Variants in RGS7 observed in about 807,000 individuals in gnomAD.
The protein encoded by RGS7 is regulator of G-protein signaling 7.
RGS7 carries 27 observed loss-of-function variants against 81.1 expected under a neutral mutation model. That is an observed-to-expected ratio of 0.33 (90% CI 0.25 to 0.46). The LOEUF is 0.46. RGS7 is among the 20% of genes least tolerant of loss of function. RGS7 has a pLI of 1.00. For synonymous variants in RGS7, 208 were observed against 207.7 expected, an observed-to-expected ratio of 1.00 and a Z score of -0.01; for missense variants, 396 against 607.4, an observed-to-expected ratio of 0.65 and a Z score of 3.66.
At chr1:241,250,046 A>G (rs1254043008) in intron 2 of RGS7, among the ~76,000 whole-genome samples, 2 of 152,166 alleles carry the variant, frequency 1.3e-5, no homozygotes, top group Non-Finnish European at 2.9e-5. Context: ...GACTATACAG[A>G]AGAATTAGGA....
At chr1:241,150,574 G>T (rs1361052835) in intron 2 of RGS7, among the ~76,000 whole-genome samples, 11 of 152,200 alleles carry the variant, frequency 7.2e-5, no homozygotes, top group Admixed American at 6.5e-4. Flanking sequence ...TAGGGAGTGT[G>T]GGGGAGTTTG....
intron 2 of RGS7, among the ~76,000 whole-genome samples, chr1:241,178,785 A>G (rs2071364650): frequency 6.6e-6 from 1 of 152,230 alleles, no homozygotes; most frequent in African/African-American, 2.4e-5. Flanking sequence ...TTAAAATGTA[A>G]TCAGTTTATT....
chr1:241,197,984 C>A (rs184911423), intron 2 of RGS7, among the ~76,000 whole-genome samples: 100 of 151,894 alleles, frequency 6.6e-4, no homozygotes, highest in Admixed American at 1.3e-3. Context: ...TACCTACCTA[C>A]CTAGTTTCAA....
chr1:240,825,871 A>G (rs191453748), intron 10 of RGS7, among the ~76,000 whole-genome samples: 11 of 152,330 alleles, frequency 7.2e-5, no homozygotes, highest in African/African-American at 2.6e-4. Context: ...GTTAATCCAT[A>G]TGCATTCTCT....
At chr1:240,961,960 G>A (rs1051774452) in intron 4 of RGS7, among the ~76,000 whole-genome samples, 1 of 152,106 alleles carries the variant, frequency 6.6e-6, no homozygotes, top group African/African-American at 2.4e-5. Context: ...AGAAGAAAGA[G>A]AGAGAGAGAA....
intron 2 of RGS7, among the ~76,000 whole-genome samples, chr1:241,220,534 C>CT (rs934264203): frequency 2.6e-4 from 39 of 151,742 alleles, no homozygotes; most frequent in African/African-American, 7.7e-4. Flanking sequence ...TCCCCTTCTC[C>CT]TTTTTTTTAA....
chr1:240,950,997 T>C (rs1315666710), intron 4 of RGS7, among the ~76,000 whole-genome samples: 1 of 151,908 alleles, frequency 6.6e-6, no homozygotes, highest in African/African-American at 2.4e-5. Flanking sequence ...TCATGGCTCA[T>C]TGCAGCCTCG....
intron 2 of RGS7, among the ~76,000 whole-genome samples, chr1:241,226,801 T>C (rs540505643): frequency 6.6e-6 from 1 of 152,320 alleles, no homozygotes; most frequent in South Asian, 2.1e-4. Flanking sequence ...TTTCCCAAAT[T>C]CTTTATGTTA....
intron 2 of RGS7, among the ~76,000 whole-genome samples, chr1:241,171,166 C>T (rs2070707677): frequency 6.6e-6 from 1 of 152,106 alleles, no homozygotes; most frequent in Admixed American, 6.6e-5. Flanking sequence ...TCTTTCTGTC[C>T]AATGAGTTAT....
At chr1:241,088,316 G>T (rs962011840) in intron 3 of RGS7, among the ~76,000 whole-genome samples, 1 of 151,962 alleles carries the variant, frequency 6.6e-6, no homozygotes, top group Non-Finnish European at 1.5e-5. Context: ...CTGCTTAAGG[G>T]TGAAGAGGAT....
At chr1:241,053,908 T>C (rs1314940072) in intron 3 of RGS7, among the ~76,000 whole-genome samples, 1 of 152,228 alleles carries the variant, frequency 6.6e-6, no homozygotes, top group Non-Finnish European at 1.5e-5. Context: ...TCTGCCGTGA[T>C]TGTGAGGCCT....
chr1:241,186,771 C>G (rs2072157526), intron 2 of RGS7, among the ~76,000 whole-genome samples: 2 of 152,006 alleles, frequency 1.3e-5, no homozygotes, highest in African/African-American at 4.8e-5. Flanking sequence ...AGGTGATCCA[C>G]CTACCTCGGC....
chr1:240,820,724 A>G (rs866532790), intron 10 of RGS7, among the ~76,000 whole-genome samples: 18 of 152,172 alleles, frequency 1.2e-4, no homozygotes, highest in Non-Finnish European at 2.2e-4. Context: ...CTCGCGAAAG[A>G]TATTAAATCT....
At chr1:240,897,731 G>T (rs911069401) in intron 6 of RGS7, among the ~76,000 whole-genome samples, 7 of 152,164 alleles carry the variant, frequency 4.6e-5, no homozygotes, top group Non-Finnish European at 1.0e-4. Context: ...AGGGATATTG[G>T]TCTAAAATTC....
chr1:240,895,223 C>T (rs960650426), intron 6 of RGS7, among the ~76,000 whole-genome samples: 3 of 152,160 alleles, frequency 2.0e-5, no homozygotes, highest in South Asian at 2.1e-4. Flanking sequence ...TCCTGAACAG[C>T]CTGCAGAACC....
intron 5 of RGS7, among the ~76,000 whole-genome samples, chr1:240,932,967 T>C (rs1434103662): frequency 5.5e-5 from 7 of 128,130 alleles, no homozygotes; most frequent in African/African-American, 1.8e-4. Flanking sequence ...CACTGCAAGC[T>C]CCGCCTCCCG....
intron 6 of RGS7, among the ~76,000 whole-genome samples, chr1:240,889,005 T>G (rs2796744): frequency 0.5 from 76,095 of 151,932 alleles, 19,191 homozygotes; most frequent in East Asian, 0.57. Context: ...GCCCAGGCTG[T>G]AGTGCAGTGG....
intron 4 of RGS7, among the ~76,000 whole-genome samples, chr1:240,972,941 C>T (rs866794916): frequency 1.0e-4 from 15 of 150,158 alleles, no homozygotes; most frequent in Non-Finnish European, 1.2e-4. Context: ...CCCAGCTATT[C>T]AGGAAGCTTA....
At position 240,806,025 on chromosome 1, in the gene RGS7, A is replaced by G. The variant is rs967625749; in HGVS notation, c.1269+115T>C. 5.7e-5 allele frequency: 51 copies of G among 898,094 alleles called. No homozygotes were observed. In the African/African-American group the frequency reaches 8.0e-4, roughly 14 times the overall value. 55.6% of individuals were successfully genotyped at this position (898,094 alleles called of 1,614,324 possible). A position where few individuals can be genotyped will look rare whatever the true frequency, so the allele number is the denominator to read the frequency against. ...GATCAGTTAGAGTTATTTTACAGTT[A>G]TCTAAATTGAAAATGTTAGAAATAG... On this transcript the variant is annotated intron_variant, in intron 15 of 18. Transcript: ENST00000440928.
Sources: gnomAD v4.1 joint callset for allele counts (sites outside exome capture counted in the v4.1 genomes callset) on GRCh38, gnomAD v4.1.1 for gene constraint, MANE v1.5 for transcripts, NCBI Gene and HGNC (gene_info 2026-07-23, HGNC 2026-07-21) for gene names.